Variants in HACD3 observed in about 807,000 individuals in gnomAD.
HACD3 encodes 3-hydroxyacyl-CoA dehydratase 3, also known as very-long-chain (3R)-3-hydroxyacyl-CoA dehydratase 3.
In HACD3, 30 loss-of-function variants were observed where a neutral mutation model predicts 55.2. That is an observed-to-expected ratio of 0.54 (90% CI 0.41 to 0.74). The LOEUF is 0.74. Ranked by LOEUF, HACD3 falls within the 30% of genes least tolerant of loss-of-function variation. The probability of loss-of-function intolerance (pLI) is 0.00; values close to 1 mark genes in which losing one functional copy is unlikely to be tolerated. For missense variants in HACD3, 363 were observed against 440.1 expected (o/e 0.82, Z 1.57); for synonymous variants, 141 against 151.7 (o/e 0.93, Z 0.52).
chr15:65,530,518 G>C lies in HACD3; in HGVS notation c.-114G>C. 1 of 915,628 alleles carries C rather than the reference G, an allele frequency of 1.1e-6. No homozygotes were observed. The highest frequency in any genetic ancestry group is 1.6e-6 in the Non-Finnish European group (1 of 632,958). The allele number at this position is 915,628 out of a possible 1,614,324, so 56.7% of individuals were successfully genotyped here. On this transcript the variant is annotated 5_prime_UTR_variant, in exon 1 of 11. Transcript: ENST00000261875. Reference sequence around the variant, plus strand: ...GGGTATCTCGAGGTGCCGGGTTGCAGGCGCTCAGGAGCGCTAGGGTTTGAG... The same window carrying C: ...GGGTATCTCGAGGTGCCGGGTTGCACGCGCTCAGGAGCGCTAGGGTTTGAG...
rs1356159004 is a variant in HACD3 at position 65,577,012 on chromosome 15, AT to A, written c.*634del. 6.6e-6 allele frequency: 1 copy of A among 152,232 alleles called. No individual in the cohort carries two copies. The highest frequency in any genetic ancestry group is 2.4e-5 in the African/African-American group (1 of 41,454). 9.4% of individuals were successfully genotyped at this position (152,232 alleles called of 1,614,324 possible). A position where few individuals can be genotyped will look rare whatever the true frequency, so the allele number is the denominator to read the frequency against. On this transcript the variant is annotated 3_prime_UTR_variant, in exon 11 of 11. Coordinates refer to ENST00000261875, the MANE Select transcript of HACD3 (RefSeq NM_016395.4). ...AGTGTGGGCATTGAAGAGGCGCAGA[AT>A]GCTTTGAAAGAAACTAATCAGAATC...
In HACD3 at chr15:65,530,698, G is replaced by A; in HGVS notation, c.67G>A (p.Val23Met). 1 of 1,570,000 alleles carries A rather than the reference G, an allele frequency of 6.4e-7. No homozygotes were observed. The highest frequency in any genetic ancestry group is 8.6e-7 in the Non-Finnish European group (1 of 1,158,968). ...AQRHRELYLR[V>M]ELSDVQNPAI... ...GCGACACCGCGAGCTATATCTGCGC[G>A]TGGAGCTGAGTGACGTACAGGTAAA... Residue 23 changes from valine (V) to methionine (M), a missense_variant, in exon 1 of 11, where the codon GTG becomes ATG. By Grantham distance (21) the Val-to-Met change is conservative. Transcript: ENST00000261875.
chr15:65,571,337 A>C (rs1350484607), intron 8 of HACD3, among the ~76,000 whole-genome samples: 2 of 152,166 alleles, frequency 1.3e-5, no homozygotes, highest in African/African-American at 2.4e-5. Flanking sequence ...TTGAGACCTA[A>C]ACTTAGTCTG....
chr15:65,542,552 C>T (rs2141207451), intron 1 of HACD3, among the ~76,000 whole-genome samples: 1 of 152,252 alleles, frequency 6.6e-6, no homozygotes, highest in East Asian at 1.9e-4. Flanking sequence ...GCATCAGTCA[C>T]TGTGCCTGGA....
In HACD3 at chr15:65,577,696, A is replaced by AT. The variant is rs1185022986; in HGVS notation, c.*1322dup. ...GTTCTAGTGAGTGGTGGGACTGTAC[A>AT]TTTTTGAATAGACCTCAAAAATACT... On this transcript the variant is annotated 3_prime_UTR_variant, in exon 11 of 11. Coordinates refer to ENST00000261875, the MANE Select transcript of HACD3 (RefSeq NM_016395.4). 6.6e-6 allele frequency: 1 copy of AT among 152,190 alleles called. No individual in the cohort carries two copies. The highest frequency in any genetic ancestry group is 2.4e-5 in the African/African-American group (1 of 41,438). The allele number at this position is 152,190 out of a possible 1,614,324, so 9.4% of individuals were successfully genotyped here. A position where few individuals can be genotyped will look rare whatever the true frequency, so the allele number is the denominator to read the frequency against.
chr15:65,556,985 G>C (rs191530799), intron 4 of HACD3, 82 bp downstream of exon 4: 1 of 1,311,604 alleles, frequency 7.6e-7, no homozygotes, highest in African/African-American at 1.5e-5. Flanking sequence ...GATACCTCTC[G>C]GTCTGAAAGA....
intron 7 of HACD3, 90 bp downstream of exon 7, chr15:65,564,432 A>G (rs1567338967): frequency 1.4e-6 from 2 of 1,455,294 alleles, no homozygotes; most frequent in Non-Finnish European, 1.9e-6. Flanking sequence ...CATGCTGCTC[A>G]TAAAGACATA....
intron 2 of HACD3, 192 bp downstream of exon 2, chr15:65,551,910 T>C: frequency 1.7e-6 from 1 of 572,718 alleles, no homozygotes; most frequent in Non-Finnish European, 2.9e-6. Flanking sequence ...TAAAATCCTG[T>C]TTCCCCCATG....
chr15:65,571,474 A>G (rs2072346924), intron 8 of HACD3, 74 bp from the exon 9 acceptor site: 1 of 1,057,686 alleles, frequency 9.5e-7, no homozygotes, highest in Admixed American at 2.0e-5. Context: ...GAATTCTTCT[A>G]TTTAAATGAT....
intron 1 of HACD3, among the ~76,000 whole-genome samples, chr15:65,532,371 A>T (rs1028794017): frequency 1.3e-5 from 2 of 152,226 alleles, no homozygotes; most frequent in East Asian, 3.8e-4. Flanking sequence ...CACGCCTGTA[A>T]TGCCAACACT....
rs2072135473 is a variant in HACD3 at position 65,551,747 on chromosome 15, C to G, written c.130+29C>G. ...AGTATCCCAGCAAATGCTCCCATCT[C>G]TATACACAGTTAAGGAGGTGTGGTG... On this transcript the variant is annotated intron_variant, in intron 2 of 10. Transcript: ENST00000261875. The G allele has an allele frequency of 3.1e-6, 5 of 1,611,724 alleles. No individual in the cohort carries two copies. In the South Asian group the frequency reaches 3.3e-5, roughly 11 times the overall value.
chr15:65,573,637 T>C (rs2072373609), intron 10 of HACD3, among the ~76,000 whole-genome samples: 1 of 151,950 alleles, frequency 6.6e-6, no homozygotes, highest in Non-Finnish European at 1.5e-5. Context: ...TAGTAATCAG[T>C]ATTTGGTAAT....
chr15:65,573,684 TCTATA>T (rs2072373843), intron 10 of HACD3, among the ~76,000 whole-genome samples: 1 of 152,178 alleles, frequency 6.6e-6, no homozygotes, highest in Non-Finnish European at 1.5e-5. Flanking sequence ...ACCCATATTA[TCTATA>T]CTATACTCTA....
chr15:65,541,741 T>C (rs1031690360), intron 1 of HACD3, among the ~76,000 whole-genome samples: 1 of 152,148 alleles, frequency 6.6e-6, no homozygotes, highest in African/African-American at 2.4e-5. Flanking sequence ...TCTTTGAAAT[T>C]GTCTGTGTCC....
In HACD3 at chr15:65,577,522, C is replaced by G. The variant is rs1235645794; in HGVS notation, c.*1143C>G. The G allele has an allele frequency of 1.3e-5, 2 of 152,296 alleles. No homozygotes were observed. The highest frequency in any genetic ancestry group is 2.9e-5 in the Non-Finnish European group (2 of 68,182). The allele number at this position is 152,296 out of a possible 1,614,324, so 9.4% of individuals were successfully genotyped here. On this transcript the variant is annotated 3_prime_UTR_variant, in exon 11 of 11. Transcript: ENST00000261875. ...TCCAAAGGGAACACAGTATGTAGGT[C>G]AAACTGGCAGTAACAGTGTACAGCC... is the stretch of plus-strand genomic sequence containing the variant.
chr15:65,530,683 G>C lies in HACD3; in HGVS notation c.52G>C (p.Glu18Gln). The change falls in exon 1 of 11, where the codon GAG (glutamate) becomes CAG (glutamine). Residue 18 changes from glutamate (E) to glutamine (Q), a missense_variant. Glu to Gln is a conservative substitution (Grantham distance 29). Transcript: ENST00000261875. ...PHVYWAQRHRELYLRVELSDV... is the reference protein window; with the variant it reads ...PHVYWAQRHRQLYLRVELSDV... ...TGTCTACTGGGCTCAGCGACACCGC[G>C]AGCTATATCTGCGCGTGGAGCTGAG... 6.3e-7 allele frequency: 1 copy of C among 1,579,478 alleles called. No individual in the cohort carries two copies. Among genetic ancestry groups the C allele is most frequent in the Non-Finnish European group, 8.6e-7 (1 of 1,163,936 alleles).
intron 7 of HACD3, chr15:65,564,958 C>G (rs963294219): frequency 7.2e-5 from 11 of 152,270 alleles, no homozygotes; most frequent in African/African-American, 2.7e-4. Flanking sequence ...TTCCTAGATA[C>G]AAGGGGAGTA....
At chr15:65,551,571 G>T in intron 1 of HACD3, 105 bp from the exon 2 acceptor site, 1 of 1,280,442 alleles carries the variant, frequency 7.8e-7, no homozygotes, top group Non-Finnish European at 1.1e-6. Context: ...CAGAGTAGGA[G>T]TTTGAGTCCT....
At chr15:65,563,229 C>T (rs1415053129) in intron 6 of HACD3, among the ~76,000 whole-genome samples, 1 of 152,070 alleles carries the variant, frequency 6.6e-6, no homozygotes, top group Non-Finnish European at 1.5e-5. Flanking sequence ...CAAAGTTATG[C>T]AAGGCCAAAA....
Sources: allele counts gnomAD v4.1 joint callset (sites outside exome capture counted in the v4.1 genomes callset), GRCh38; gene constraint gnomAD v4.1.1; transcripts MANE v1.5; gene names NCBI Gene and HGNC (gene_info 2026-07-23, HGNC 2026-07-21).